Variants in RFX3 observed in about 807,000 individuals in gnomAD.
RFX3 encodes the protein regulatory factor X3.
Under a neutral mutation model 98.6 loss-of-function variants are expected in RFX3, and 14 were observed. The ratio of observed to expected loss-of-function variants is 0.14; its 90% CI spans 0.09 to 0.22. RFX3 has a LOEUF of 0.22. Among genes scored for constraint, RFX3 ranks in the 10% least tolerant of loss-of-function variants. RFX3 has a pLI of 1.00. For missense variants in RFX3, 639 were observed against 926.9 expected (o/e 0.69, Z 4.03); for synonymous variants, 383 against 328.4 (o/e 1.17, Z -1.80).
At chr9:3,345,877 G>C (rs1217861821) in intron 3 of RFX3, among the ~76,000 whole-genome samples, 1 of 152,150 alleles carries the variant, frequency 6.6e-6, no homozygotes, top group Non-Finnish European at 1.5e-5. Flanking sequence ...GGAAAGAGTA[G>C]ATGTAGTAAG....
chr9:3,502,842 A>G (rs1816185401), intron 1 of RFX3, among the ~76,000 whole-genome samples: 1 of 152,132 alleles, frequency 6.6e-6, no homozygotes, highest in Non-Finnish European at 1.5e-5. Flanking sequence ...GAATAATAAG[A>G]TAGGTGGGGA....
Position 3,287,650 on chromosome 9 carries a change from T to G in RFX3, c.851+481A>C, listed in dbSNP as rs775152435. Among the ~76,000 whole-genome samples, 9 of 151,944 alleles carry G rather than the reference T, an allele frequency of 5.9e-5. 1 individual carries two copies. The highest frequency in any genetic ancestry group is 1.2e-4 in the Non-Finnish European group (8 of 67,898). ...ATCCATCCATCATTCATCCATCCAT[T>G]CATGAATGCTTGAGATCTCTTACAA... On this transcript the variant is annotated intron_variant, in intron 7 of 16. Coordinates refer to ENST00000617270, the MANE Select transcript of RFX3 (RefSeq NM_001282116.2).
At chr9:3,452,701 T>C (rs890060628) in intron 1 of RFX3, among the ~76,000 whole-genome samples, 7 of 152,244 alleles carry the variant, frequency 4.6e-5, no homozygotes, top group Admixed American at 3.3e-4. Context: ...TTGCACTCTA[T>C]AGACACTCTG....
At chr9:3,396,183 T>TC in intron 1 of RFX3, among the ~76,000 whole-genome samples, 1 of 151,870 alleles carries the variant, frequency 6.6e-6, no homozygotes, top group Non-Finnish European at 1.5e-5. Context: ...ATGCTATGCC[T>TC]CCCCCCTCCC....
chr9:3,262,299 G>C (rs922837038), intron 13 of RFX3, among the ~76,000 whole-genome samples: 2 of 152,046 alleles, frequency 1.3e-5, no homozygotes, highest in Admixed American at 6.6e-5. Flanking sequence ...TTCTAACTTA[G>C]CTTTTAAAAT....
intron 1 of RFX3, among the ~76,000 whole-genome samples, chr9:3,451,734 G>C (rs2132873959): frequency 6.6e-6 from 1 of 152,044 alleles, no homozygotes; most frequent in East Asian, 1.9e-4. Flanking sequence ...TTAATAATAG[G>C]GGAAACTGGG....
intron 8 of RFX3, among the ~76,000 whole-genome samples, chr9:3,276,500 C>T (rs551035116): frequency 3.9e-5 from 6 of 152,148 alleles, no homozygotes; most frequent in East Asian, 3.9e-4. Flanking sequence ...AGATGATAAT[C>T]GAAGTGAAAT....
intron 1 of RFX3, among the ~76,000 whole-genome samples, chr9:3,415,698 C>A (rs1357684893): frequency 6.6e-6 from 1 of 152,158 alleles, no homozygotes; most frequent in Non-Finnish European, 1.5e-5. Flanking sequence ...TCAACTTTCA[C>A]TTGTATATCA....
chr9:3,450,376 TTC>T (rs1209630978), intron 1 of RFX3, among the ~76,000 whole-genome samples: 2 of 151,406 alleles, frequency 1.3e-5, no homozygotes, highest in Admixed American at 6.6e-5. Flanking sequence ...GGTCATGTTT[TTC>T]TCTCTTTTTT....
intron 2 of RFX3, among the ~76,000 whole-genome samples, chr9:3,377,423 A>G (rs896972986): frequency 2.0e-5 from 3 of 152,188 alleles, no homozygotes; most frequent in Non-Finnish European, 4.4e-5. Flanking sequence ...GAAGGGGAAC[A>G]TCACACACCG....
At chr9:3,259,944 G>C (rs1369680288) in intron 13 of RFX3, among the ~76,000 whole-genome samples, 1 of 151,946 alleles carries the variant, frequency 6.6e-6, no homozygotes, top group Non-Finnish European at 1.5e-5. Flanking sequence ...TCAGATTATT[G>C]AGGTTCATGT....
At chr9:3,500,471 C>A (rs12340274) in intron 1 of RFX3, among the ~76,000 whole-genome samples, 33,764 of 151,948 alleles carry the variant, frequency 0.22, 6,951 homozygotes, top group East Asian at 0.57. Flanking sequence ...CTTCTTAAAA[C>A]AAATGCAACT....
chr9:3,522,693 G>A lies in RFX3; in HGVS notation c.-9+3054C>T, dbSNP rs565413757. 9.7e-4 allele frequency among the ~76,000 whole-genome samples: 148 copies of A among 152,062 alleles called. 2 individuals carry two copies. The South Asian group carries it at 0.028, about 29-fold the overall frequency. ...AACCAAAAATCATTATATTCTGCCT[G>A]CTAATTTCTTCAGCTGGAGAATACC... On this transcript the variant is annotated intron_variant, in intron 1 of 16. Coordinates refer to ENST00000617270, the MANE Select transcript of RFX3 (RefSeq NM_001282116.2).
intron 4 of RFX3, among the ~76,000 whole-genome samples, chr9:3,327,578 C>G (rs1832066437): frequency 6.6e-6 from 1 of 150,818 alleles, no homozygotes; most frequent in Non-Finnish European, 1.5e-5. Flanking sequence ...TTTTATACTC[C>G]TTTTGTTAAA....
intron 4 of RFX3, among the ~76,000 whole-genome samples, chr9:3,321,194 G>A (rs1232340198): frequency 6.6e-6 from 1 of 151,876 alleles, no homozygotes; most frequent in Non-Finnish European, 1.5e-5. Context: ...GTGAGCCACC[G>A]CCCCCGACCC....
At chr9:3,500,793 C>G (rs766505986) in intron 1 of RFX3, among the ~76,000 whole-genome samples, 1 of 152,110 alleles carries the variant, frequency 6.6e-6, no homozygotes, top group Non-Finnish European at 1.5e-5. Flanking sequence ...TCACAAGGCA[C>G]GTGTTAGGCA....
In RFX3 at chr9:3,277,444, T is replaced by C; in HGVS notation, c.869A>G (p.Lys290Arg). ...GAAACCATCTGCAACCCCATCCACTTTCTGCATAGGCTTGTACCTAAAAAT... is the reference window on the plus strand; with the variant it reads ...GAAACCATCTGCAACCCCATCCACTCTCTGCATAGGCTTGTACCTAAAAAT... ...QQKQRYKPMQ[K>R]VDGVADGFTG... is the part of the protein sequence containing the mutation. Residue 290 changes from lysine (K) to arginine (R), a missense_variant, in exon 8 of 17, where the codon AAA becomes AGA. Around this residue, in one of 9 missense-constraint regions of RFX3, gnomAD observed 86 missense variants for 113.2 expected, o/e 0.76. Transcript: ENST00000617270. The C allele has an allele frequency of 1.9e-6, 3 of 1,612,498 alleles. No homozygotes were observed. Among genetic ancestry groups the C allele is most frequent in the Non-Finnish European group, 2.5e-6 (3 of 1,178,792 alleles).
intron 16 of RFX3, among the ~76,000 whole-genome samples, chr9:3,226,749 G>T (rs373995945): frequency 6.6e-6 from 1 of 152,136 alleles, no homozygotes; most frequent in Non-Finnish European, 1.5e-5. Flanking sequence ...GGGTATACTT[G>T]AAACATGTTT....
At chr9:3,497,811 C>A (rs534076548) in intron 1 of RFX3, among the ~76,000 whole-genome samples, 1 of 151,958 alleles carries the variant, frequency 6.6e-6, no homozygotes, top group African/African-American at 2.4e-5. Context: ...ATTTTCTAAT[C>A]TGTTTAGGGC....
Sources: gnomAD v4.1 joint callset for allele counts (sites outside exome capture counted in the v4.1 genomes callset) on GRCh38, gnomAD v4.1.1 for gene constraint, gnomAD v4.1.1 regional missense constraint, MANE v1.5 for transcripts, NCBI Gene and HGNC (gene_info 2026-07-23, HGNC 2026-07-21) for gene names.